The following PLEKHA7 variants were observed in gnomAD, a reference collection of about 807,000 sequenced individuals.
PLEKHA7 encodes the protein pleckstrin homology domain containing A7.
In PLEKHA7, 104 loss-of-function variants were observed where a neutral mutation model predicts 170.0. The ratio of observed to expected loss-of-function variants is 0.61; its 90% CI spans 0.52 to 0.72. The LOEUF is 0.72. Ranked by LOEUF, PLEKHA7 falls within the 30% of genes least tolerant of loss-of-function variation. PLEKHA7 has a pLI of 0.00. For synonymous variants in PLEKHA7, 648 were observed against 660.8 expected, an observed-to-expected ratio of 0.98 and a Z score of 0.30; for missense variants, 1,615 against 1,671.7, an observed-to-expected ratio of 0.97 and a Z score of 0.59.
chr11:16,849,512 A>C lies in PLEKHA7; in HGVS notation c.696+1679T>G, dbSNP rs531390564. Among the ~76,000 whole-genome samples the C allele has an allele frequency of 4.3e-4, 66 of 152,374 alleles. No individual in the cohort carries two copies. The South Asian group carries it at 5.4e-3, about 12-fold the overall frequency. On this transcript the variant is annotated intron_variant, in intron 8 of 26. Transcript: ENST00000531066. ...AATAAGTTTCTAAAATGATACAATT[A>C]ATGTCAATTCAAACCACCTTCTACC...
chr11:16,834,476 AC>A (rs1376040798), intron 9 of PLEKHA7, among the ~76,000 whole-genome samples: 1 of 152,210 alleles, frequency 6.6e-6, no homozygotes, highest in Non-Finnish European at 1.5e-5. Flanking sequence ...CCAAAGACTT[AC>A]TAAGGAAATT....
intron 3 of PLEKHA7, among the ~76,000 whole-genome samples, chr11:16,894,641 A>T (rs1252561810): frequency 6.6e-6 from 1 of 152,156 alleles, no homozygotes; most frequent in Admixed American, 6.5e-5. Flanking sequence ...ATAGTGCCCA[A>T]AATGAAGAAG....
At chr11:16,954,884 GT>G (rs1264350398) in intron 3 of PLEKHA7, among the ~76,000 whole-genome samples, 1 of 151,978 alleles carries the variant, frequency 6.6e-6, no homozygotes, top group East Asian at 1.9e-4. Context: ...TAGAGACGGG[GT>G]TTCACTATGT....
intron 9 of PLEKHA7, among the ~76,000 whole-genome samples, chr11:16,840,271 TAA>T (rs748472707): frequency 6.6e-6 from 1 of 152,068 alleles, no homozygotes; most frequent in Non-Finnish European, 1.5e-5. Context: ...CATTTAGATA[TAA>T]AGACAGGCCG....
In PLEKHA7 at chr11:16,885,666, A is replaced by G. The variant is rs368143753; in HGVS notation, c.222-14484T>C. ...AAAAAAAAAATTATTCCAACAGTGG[A>G]CTCACTCTTAACCTTCTCTAACTGA... is the stretch of plus-strand genomic sequence containing the variant. On this transcript the variant is annotated intron_variant, in intron 3 of 26. Transcript: ENST00000531066. Among the ~76,000 whole-genome samples, 19 of 151,578 alleles carry G rather than the reference A, an allele frequency of 1.3e-4. No individual in the cohort carries two copies. In the South Asian group the frequency reaches 1.9e-3, roughly 15 times the overall value.
At chr11:16,786,653 G>A (rs929297) in intron 23 of PLEKHA7, 2 of 985,158 alleles carry the variant, frequency 2.0e-6, no homozygotes, top group African/African-American at 3.5e-5. Context: ...GCTCACAGTG[G>A]TCCCCAGGGA....
chr11:16,899,678 A>C (rs189564538), intron 3 of PLEKHA7, among the ~76,000 whole-genome samples: 1 of 152,298 alleles, frequency 6.6e-6, no homozygotes, highest in East Asian at 1.9e-4. Context: ...TCTTTACTGA[A>C]GGCCCGCTAT....
In PLEKHA7 at chr11:16,993,664, T is replaced by C. The variant is rs369775432; in HGVS notation, c.221+20325A>G. 4.6e-5 allele frequency among the ~76,000 whole-genome samples: 7 copies of C among 152,368 alleles called. No individual in the cohort carries two copies. The East Asian group carries it at 7.7e-4, about 17-fold the overall frequency. On this transcript the variant is annotated intron_variant, in intron 3 of 26. Transcript: ENST00000531066. ...CTGCAATGGTCTCAAATGGTTCCAC[T>C]TGACATGCTTGCAAACATCAACACT... is the stretch of plus-strand genomic sequence containing the variant.
At chr11:16,797,936 C>T (rs1045251012) in intron 17 of PLEKHA7, among the ~76,000 whole-genome samples, 4 of 152,146 alleles carry the variant, frequency 2.6e-5, no homozygotes, top group Non-Finnish European at 5.9e-5. Context: ...CTATCCTTCT[C>T]CAACGGTGAT....
chr11:16,963,638 G>C lies in PLEKHA7; in HGVS notation c.221+50351C>G, dbSNP rs375668588. 3.0e-4 allele frequency among the ~76,000 whole-genome samples: 46 copies of C among 152,222 alleles called. 1 individual carries two copies. The highest frequency in any genetic ancestry group is 1.0e-3 in the African/African-American group (42 of 41,530). On this transcript the variant is annotated intron_variant, in intron 3 of 26. Coordinates refer to ENST00000531066, the MANE Select transcript of PLEKHA7 (RefSeq NM_001329630.2). ...TTGTGGCCTAAATCTTGATGAACAT[G>C]TCCCCTGGGGAGCCAGGAGAGCTAT...
intron 3 of PLEKHA7, among the ~76,000 whole-genome samples, chr11:16,889,432 T>C (rs1191259063): frequency 1.6e-5 from 2 of 124,888 alleles, no homozygotes; most frequent in Admixed American, 8.2e-5. Flanking sequence ...TATATATATA[T>C]ATATATATAT....
intron 3 of PLEKHA7, among the ~76,000 whole-genome samples, chr11:16,930,951 T>C (rs1014848527): frequency 3.3e-5 from 5 of 152,120 alleles, no homozygotes; most frequent in Non-Finnish European, 7.3e-5. Context: ...GCTGGAAACA[T>C]GGAGCACACC....
At chr11:16,826,075 A>G (rs1850613109) in intron 10 of PLEKHA7, 45 bp downstream of exon 10, 2 of 1,568,894 alleles carry the variant, frequency 1.3e-6, no homozygotes, top group African/African-American at 2.7e-5. Context: ...TTGCCACTAC[A>G]TTATCGTGCT....
intron 4 of PLEKHA7, among the ~76,000 whole-genome samples, chr11:16,857,264 A>G (rs1472071515): frequency 6.6e-6 from 1 of 152,212 alleles, no homozygotes; most frequent in African/African-American, 2.4e-5. Flanking sequence ...TGTAGTAGGC[A>G]CCAGCTTCCC....
rs760924595 is a variant in PLEKHA7, at chr11:16,917,451, G to A, written c.222-46269C>T. 2.7e-4 allele frequency among the ~76,000 whole-genome samples: 41 copies of A among 152,304 alleles called. 1 individual carries two copies. Among genetic ancestry groups the A allele is most frequent in the Admixed American group, 6.5e-4 (10 of 15,302 alleles). On this transcript the variant is annotated intron_variant, in intron 3 of 26. Transcript: ENST00000531066. ...TATCCAAAATCAGTCTTATTGGACT[G>A]AAATCAAAGAGTCAGCAGAGCCGTG...
intron 3 of PLEKHA7, among the ~76,000 whole-genome samples, chr11:16,883,547 T>C (rs1387383153): frequency 6.6e-6 from 1 of 152,200 alleles, no homozygotes; most frequent in Non-Finnish European, 1.5e-5. Flanking sequence ...TTGGCTTCTG[T>C]CAACTTTAAC....
intron 3 of PLEKHA7, among the ~76,000 whole-genome samples, chr11:16,885,638 T>TA (rs11306143): frequency 1.1e-4 from 17 of 149,654 alleles, no homozygotes; most frequent in Admixed American, 5.3e-4. Flanking sequence ...ACAAAAATCT[T>TA]AAAAAAAAAA....
intron 9 of PLEKHA7, among the ~76,000 whole-genome samples, chr11:16,840,265 T>C (rs1851845543): frequency 2.0e-5 from 3 of 152,114 alleles, no homozygotes; most frequent in Non-Finnish European, 2.9e-5. Flanking sequence ...GTTGTGCATT[T>C]AGATATAAAG....
rs1161569629 is a variant in PLEKHA7 at position 16,777,583 on chromosome 11, CGTT to C, written c.*1412_*1414del. 1.3e-5 allele frequency: 2 copies of C among 152,098 alleles called. No individual in the cohort carries two copies. Among genetic ancestry groups the C allele is most frequent in the African/African-American group, 2.4e-5 (1 of 41,408 alleles). The allele number at this position is 152,098 out of a possible 1,614,324, so 9.4% of individuals were successfully genotyped here. A position where few individuals can be genotyped will look rare whatever the true frequency, so the allele number is the denominator to read the frequency against. ...TGTGGCTCCACCCAATGGAGGTTTT[CGTT>C]GTTGTTGTTTTTTCCATTTAAACGT... On this transcript the variant is annotated 3_prime_UTR_variant, in exon 27 of 27. Transcript: ENST00000531066.
Sources: allele counts gnomAD v4.1 joint callset (sites outside exome capture counted in the v4.1 genomes callset), GRCh38; gene constraint gnomAD v4.1.1; transcripts MANE v1.5; gene names NCBI Gene and HGNC (gene_info 2026-07-23, HGNC 2026-07-21).